The following DNAH5 variants were observed in gnomAD, a reference collection of about 807,000 sequenced individuals.
DNAH5 encodes axonemal beta dynein heavy chain 5.
Under a neutral mutation model 518.2 loss-of-function variants are expected in DNAH5, and 372 were observed. That is an observed-to-expected ratio of 0.72 (90% CI 0.66 to 0.78). DNAH5 has a LOEUF of 0.78. Among genes scored for constraint, DNAH5 ranks in the 30% least tolerant of loss-of-function variants. The pLI is 0.00. For missense variants in DNAH5, 5,523 were observed against 5,687.0 expected (o/e 0.97, Z 0.93); for synonymous variants, 2,039 against 2,025.9 (o/e 1.01, Z -0.17).
intron 60 of DNAH5, among the ~76,000 whole-genome samples, chr5:13,759,381 A>G (rs768035248): frequency 6.6e-6 from 1 of 152,264 alleles, no homozygotes; most frequent in Non-Finnish European, 1.5e-5. Context: ...GTCTACCTAG[A>G]TCAGAACACT....
intron 65 of DNAH5, among the ~76,000 whole-genome samples, chr5:13,738,285 T>C (rs1297858346): frequency 6.6e-6 from 1 of 152,104 alleles, no homozygotes; most frequent in Non-Finnish European, 1.5e-5. Flanking sequence ...GAAATATATT[T>C]GAAGACAAAG....
chr5:13,778,596 A>AAGAAAGAAAGAAAAAGAAAGAAAG (rs768853052), intron 53 of DNAH5, among the ~76,000 whole-genome samples: 8 of 102,152 alleles, frequency 7.8e-5, no homozygotes, highest in African/African-American at 3.0e-4. Flanking sequence ...GAAAGAAAGA[A>AAGAAAGAAAGAAAAAGAAAGAAAG]AGAGAGAGAG....
chr5:13,714,660 A>G (rs944340640), intron 74 of DNAH5, 40 bp from the exon 75 acceptor site: 6 of 1,595,874 alleles, frequency 3.8e-6, no homozygotes, highest in Non-Finnish European at 3.4e-6. Flanking sequence ...GACTGCCAAC[A>G]TAAGCACCGT....
intron 21 of DNAH5, among the ~76,000 whole-genome samples, chr5:13,879,085 G>A (rs111455582): frequency 0.1 from 15,241 of 152,172 alleles, 892 homozygotes; most frequent in Non-Finnish European, 0.13. Context: ...CTGGTTAGTC[G>A]AAATAGTGAG....
intron 45 of DNAH5, 144 bp from the exon 46 acceptor site, chr5:13,809,330 C>T (rs911063161): frequency 9.8e-7 from 1 of 1,023,258 alleles, no homozygotes; most frequent in Non-Finnish European, 1.5e-6. Flanking sequence ...GATCTAAGTA[C>T]ACAAGTATGT....
chr5:13,904,959 G>T (rs1376538653), intron 12 of DNAH5, among the ~76,000 whole-genome samples: 1 of 151,848 alleles, frequency 6.6e-6, no homozygotes, highest in Non-Finnish European at 1.5e-5. Context: ...GGAAGTAAAA[G>T]AACAGAAAAA....
rs567240782 is a variant in DNAH5 at position 13,766,542 on chromosome 5, T to C, written c.9898-363A>G. 3.9e-5 allele frequency among the ~76,000 whole-genome samples: 6 copies of C among 152,290 alleles called. No homozygotes were observed. The South Asian group carries it at 1.2e-3, about 32-fold the overall frequency. ...TTCAAAACCAGGAAAATTACAGTAT[T>C]TGTGGTGCTTTTTTACTTATTAGCT... On this transcript the variant is annotated intron_variant, in intron 58 of 78. Transcript: ENST00000265104.
Position 13,707,009 on chromosome 5 carries a change from T to C in DNAH5, c.13338+1114A>G, listed in dbSNP as rs1456976662. Among the ~76,000 whole-genome samples, 1 of 152,142 alleles carries C rather than the reference T, an allele frequency of 6.6e-6. No homozygotes were observed. The highest frequency in any genetic ancestry group is 2.4e-5 in the African/African-American group (1 of 41,416). ...AATGTTGCATTTTCCAAGACCACTCTGGCCCACCATGCCCCGCATCCTGTG... is the reference window on the plus strand; with the variant it reads ...AATGTTGCATTTTCCAAGACCACTCCGGCCCACCATGCCCCGCATCCTGTG... On this transcript the variant is annotated intron_variant, in intron 76 of 78. Transcript: ENST00000265104. This position sits in a 1 kb window ranked among gnomAD's most constrained non-coding sequence, Gnocchi z 4.0.
Position 13,961,505 on chromosome 5 carries a change from G to A in DNAH5, c.13-30261C>T, listed in dbSNP as rs542077253. ...TTAAAAATACAAAAATCAGCTGGGT[G>A]TGGTGGCGGGCACCTGTAATCCCAG... On this transcript the variant is annotated intron_variant, in intron 1 of 78. Coordinates refer to the DNAH5 transcript ENST00000681290. Among the ~76,000 whole-genome samples, 31 of 152,206 alleles carry A rather than the reference G, an allele frequency of 2.0e-4. No individual in the cohort carries two copies. In the East Asian group the frequency reaches 4.4e-3, roughly 22 times the overall value.
intron 21 of DNAH5, among the ~76,000 whole-genome samples, chr5:13,879,061 G>T (rs935551610): frequency 3.3e-5 from 5 of 152,292 alleles, no homozygotes; most frequent in African/African-American, 1.2e-4. Context: ...GATTAGAGAG[G>T]CATCTTGAAA....
intron 3 of DNAH5, among the ~76,000 whole-genome samples, chr5:13,925,608 A>C (rs976717066): frequency 2.6e-5 from 4 of 152,178 alleles, no homozygotes; most frequent in Non-Finnish European, 4.4e-5. Context: ...CAAGGAAAAC[A>C]GATTTCCCCT....
At chr5:14,002,566 T>C (rs1380552842) in intron 1 of DNAH5, among the ~76,000 whole-genome samples, 1 of 152,172 alleles carries the variant, frequency 6.6e-6, no homozygotes, top group Non-Finnish European at 1.5e-5. Context: ...TTAAATAGTA[T>C]TCTGTAAACA....
intron 16 of DNAH5, among the ~76,000 whole-genome samples, chr5:13,894,372 CT>C (rs1251961214): frequency 3.9e-5 from 6 of 152,116 alleles, no homozygotes; most frequent in Admixed American, 1.3e-4. Context: ...ATATAAAAAG[CT>C]GAATAACTCT....
Position 13,714,621 on chromosome 5 carries a change from C to G in DNAH5, c.12910-1G>C, listed in dbSNP as rs1561097225. ...CAGGGCTGTCATAGGCAGGCAAACTCTGAACAACAGACACCCCAGATAAGC... is the reference window on the plus strand; with the variant it reads ...CAGGGCTGTCATAGGCAGGCAAACTGTGAACAACAGACACCCCAGATAAGC... On this transcript the variant is annotated splice_acceptor_variant, in intron 74 of 78. Transcript: ENST00000265104. LOFTEE classifies it high-confidence loss of function. The G allele has an allele frequency of 6.2e-7, 1 of 1,613,788 alleles. No individual in the cohort carries two copies. Among genetic ancestry groups the G allele is most frequent in the Non-Finnish European group, 8.5e-7 (1 of 1,179,960 alleles).
intron 46 of DNAH5, among the ~76,000 whole-genome samples, chr5:13,808,370 T>G (rs2127001898): frequency 6.6e-6 from 1 of 152,226 alleles, no homozygotes; most frequent in South Asian, 2.1e-4. Context: ...ATCCTGGACT[T>G]TCAGCCTCCA....
At chr5:13,793,772 T>A in intron 48 of DNAH5, 44 bp from the exon 49 acceptor site, 1 of 1,596,902 alleles carries the variant, frequency 6.3e-7, no homozygotes, top group Non-Finnish European at 8.6e-7. Context: ...TTCCTTTCTA[T>A]CCCCGGAGCC....
chr5:13,832,372 T>C (rs151134560), intron 35 of DNAH5, among the ~76,000 whole-genome samples: 64 of 152,274 alleles, frequency 4.2e-4, no homozygotes, highest in Non-Finnish European at 7.5e-4. Flanking sequence ...CTCAGCTAGG[T>C]GGGGCTTCAG....
intron 16 of DNAH5, among the ~76,000 whole-genome samples, chr5:13,893,863 G>A: frequency 6.6e-6 from 1 of 151,752 alleles, no homozygotes; most frequent in Admixed American, 6.5e-5. Flanking sequence ...GCAGAGGAGA[G>A]GGTGTAAGAC....
chr5:13,976,716 CACACACAT>C (rs1561032193), intron 1 of DNAH5, among the ~76,000 whole-genome samples: 3 of 142,258 alleles, frequency 2.1e-5, no homozygotes, highest in East Asian at 4.3e-4. Context: ...TATATACACA[CACACACAT>C]ACACACACAC....
Sources: gnomAD v4.1 joint callset for allele counts (sites outside exome capture counted in the v4.1 genomes callset) on GRCh38, gnomAD v4.1.1 for gene constraint, Gnocchi (gnomAD v3.1) non-coding constraint, MANE v1.5 for transcripts, NCBI Gene and HGNC (gene_info 2026-07-23, HGNC 2026-07-21) for gene names.